The following PASK variants were observed in gnomAD, a reference collection of about 807,000 sequenced individuals.
PASK encodes PAS domain-containing serine/threonine-protein kinase.
A neutral mutation model predicts 121.0 loss-of-function variants in PASK; 110 were observed. The observed-to-expected ratio is 0.91, with a 90% confidence interval of 0.78 to 1.06. The LOEUF (loss-of-function observed/expected upper bound fraction) is 1.06. Ranked by LOEUF, PASK falls within the 50% of genes least tolerant of loss-of-function variation. PASK has a pLI of 0.00. For missense variants in PASK, 1,643 were observed against 1,702.3 expected (o/e 0.97, Z 0.61); for synonymous variants, 686 against 717.8 (o/e 0.96, Z 0.71).
chr2:241,122,854 C>T lies in PASK; in HGVS notation c.2950G>A (p.Glu984Lys), dbSNP rs2065679419. The change falls in exon 12 of 18, where the codon GAA becomes AAA. Residue 984 changes from glutamate (E) to lysine (K), a missense_variant. By Grantham distance (56) the Glu-to-Lys change is moderately conservative. Around this residue, in one of 3 missense-constraint regions of PASK, gnomAD observed 453 missense variants for 511.2 expected, o/e 0.89. Coordinates refer to ENST00000234040, the MANE Select transcript of PASK (RefSeq NM_015148.4). ...PWFEEPPKAVELEGLAACEGE... is the reference protein window; with the variant it reads ...PWFEEPPKAVKLEGLAACEGE... ...TCACAGGCCGCCAACCCCTCCAGTTCCACAGCCTTGGGGGGCTCCTCAAAC... is the reference window on the plus strand; with the variant it reads ...TCACAGGCCGCCAACCCCTCCAGTTTCACAGCCTTGGGGGGCTCCTCAAAC... 1 of 1,614,212 alleles carries T rather than the reference C, an allele frequency of 6.2e-7. No individual in the cohort carries two copies. Among genetic ancestry groups the T allele is most frequent in the South Asian group, 1.1e-5 (1 of 91,080 alleles).
chr2:241,115,122 C>T lies in PASK; in HGVS notation c.3254G>A (p.Gly1085Asp). The change falls in exon 14 of 18, where the codon GGC (glycine) becomes GAC (aspartate). Residue 1085 changes from glycine (G) to aspartate (D), a missense_variant. Around this residue, in one of 3 missense-constraint regions of PASK, gnomAD observed 453 missense variants for 511.2 expected, o/e 0.89. Transcript: ENST00000234040. ...GFFQLVMEKH[G>D]SGLDLFAFID... ...GAAAGCGAAGAGGTCTAGGCCGGAG[C>T]CGTGCTTCTCCATCACAAGCTGGAA... is the stretch of plus-strand genomic sequence containing the variant. 6.2e-7 allele frequency: 1 copy of T among 1,614,122 alleles called. No individual in the cohort carries two copies. The highest frequency in any genetic ancestry group is 1.1e-5 in the South Asian group (1 of 91,084).
At chr2:241,124,158 C>G in intron 10 of PASK, 25 bp from the exon 11 acceptor site, 1 of 1,606,560 alleles carries the variant, frequency 6.2e-7, no homozygotes, top group Non-Finnish European at 8.5e-7. Flanking sequence ...GGTAAGAACG[C>G]ACAGGCCTGT....
Position 241,138,695 on chromosome 2 carries a change from G to T in PASK, c.700C>A (p.Pro234Thr). The change falls in exon 5 of 18, where the codon CCC becomes ACC. Residue 234 changes from proline (P) to threonine (T), a missense_variant. Coordinates refer to ENST00000234040, the MANE Select transcript of PASK (RefSeq NM_015148.4). ...RRLCCVVVLE[P>T]VERVSTWVAF... ...ACCCAGGTCGAGACCCTCTCCACGG[G>T]CTCCAGGACCACCACGCAGCATAGG... 1 of 1,614,090 alleles carries T rather than the reference G, an allele frequency of 6.2e-7. No individual in the cohort carries two copies. The highest frequency in any genetic ancestry group is 8.5e-7 in the Non-Finnish European group (1 of 1,180,034).
chr2:241,137,485 G>A (rs1359520851), intron 6 of PASK, among the ~76,000 whole-genome samples: 1 of 152,208 alleles, frequency 6.6e-6, no homozygotes, highest in African/African-American at 2.4e-5. Flanking sequence ...AGCCGCCCCA[G>A]GCACAGCAAC....
At chr2:241,107,967 A>G (rs1575214697) in intron 16 of PASK, among the ~76,000 whole-genome samples, 200 bp downstream of exon 16, 1 of 152,370 alleles carries the variant, frequency 6.6e-6, no homozygotes, top group South Asian at 2.1e-4. Context: ...AGGGCCTCTA[A>G]GATCCAAAGA....
At chr2:241,140,843 C>T in intron 2 of PASK, 90 bp from the exon 3 acceptor site, 2 of 791,968 alleles carry the variant, frequency 2.5e-6, no homozygotes, top group Non-Finnish European at 4.4e-6. Context: ...CCCTTGCCCT[C>T]AACTCCTGCA....
chr2:241,122,329 G>T (rs140240230), intron 12 of PASK, among the ~76,000 whole-genome samples: 10 of 152,262 alleles, frequency 6.6e-5, no homozygotes, highest in African/African-American at 2.4e-4. Flanking sequence ...CCCAAAGCAG[G>T]TTATTTGAAA....
intron 1 of PASK, among the ~76,000 whole-genome samples, chr2:241,146,248 AT>A (rs2066947970): frequency 6.6e-6 from 1 of 152,250 alleles, no homozygotes; most frequent in South Asian, 2.1e-4. Flanking sequence ...GTCAAAAAGG[AT>A]TTGGATCAAC....
chr2:241,136,916 C>T lies in PASK; in HGVS notation c.1137+88G>A, dbSNP rs2066460368. On this transcript the variant is annotated intron_variant, in intron 7 of 17. Coordinates refer to ENST00000234040, the MANE Select transcript of PASK (RefSeq NM_015148.4). ...AGCGAGCTGGAGAGCTTGCCGGGTG[C>T]GAGGCCTGTGCCACACGCAAGCCCG... is the stretch of plus-strand genomic sequence containing the variant. 1.2e-5 allele frequency: 16 copies of T among 1,283,648 alleles called. 1 individual carries two copies. Among genetic ancestry groups the T allele is most frequent in the African/African-American group, 4.4e-5 (3 of 68,466 alleles). 79.5% of individuals were successfully genotyped at this position (1,283,648 alleles called of 1,614,324 possible).
At chr2:241,114,694 C>G in intron 14 of PASK, 2 of 1,301,120 alleles carry the variant, frequency 1.5e-6, no homozygotes, top group Non-Finnish European at 1.9e-6. Context: ...GCCGCTGTGC[C>G]GCACACATGC....
At position 241,106,322 on chromosome 2, in the gene PASK, A is replaced by G; in HGVS notation, c.*244T>C. The G allele has an allele frequency of 1.8e-6, 1 of 558,546 alleles. No homozygotes were observed. The highest frequency in any genetic ancestry group is 2.1e-5 in the South Asian group (1 of 48,552). The allele number at this position is 558,546 out of a possible 1,614,324, so 34.6% of individuals were successfully genotyped here. A position where few individuals can be genotyped will look rare whatever the true frequency, so the allele number is the denominator to read the frequency against. On this transcript the variant is annotated 3_prime_UTR_variant, in exon 18 of 18. Coordinates refer to ENST00000234040, the MANE Select transcript of PASK (RefSeq NM_015148.4). The stretch of plus-strand genomic sequence containing the variant: ...CACAAATTAAAAGCCCTTTAATAAT[A>G]TAAAACAGTTGAACACTGGAATGTT...
intron 9 of PASK, among the ~76,000 whole-genome samples, chr2:241,131,339 G>A (rs867139272): frequency 1.5e-4 from 23 of 152,102 alleles, no homozygotes; most frequent in Middle Eastern, 3.4e-3. Context: ...TAGTAGAGAC[G>A]GGGTTGCACC....
chr2:241,118,035 C>G (rs77836034), intron 12 of PASK, among the ~76,000 whole-genome samples: 1 of 152,102 alleles, frequency 6.6e-6, no homozygotes, highest in Non-Finnish European at 1.5e-5. Flanking sequence ...AAACTTTCCA[C>G]GTTCACAGAT....
chr2:241,125,322 C>T (rs902648841), intron 10 of PASK, among the ~76,000 whole-genome samples: 3 of 149,084 alleles, frequency 2.0e-5, no homozygotes, highest in East Asian at 2.0e-4. Flanking sequence ...AAAAATAGGC[C>T]GGGCACGGTG....
chr2:241,132,782 T>C (rs947121424), intron 9 of PASK, 92 bp downstream of exon 9: 68 of 1,062,048 alleles, frequency 6.4e-5, no homozygotes, highest in Middle Eastern at 2.0e-4. Context: ...CTATGAATAA[T>C]AGGCTGAACA....
At chr2:241,125,447 A>G (rs545385335) in intron 10 of PASK, among the ~76,000 whole-genome samples, 24 of 151,372 alleles carry the variant, frequency 1.6e-4, no homozygotes, top group African/African-American at 5.1e-4. Context: ...AAAAATAGAA[A>G]AAATTAGCCG....
In PASK at chr2:241,138,039, C is replaced by T. The variant is rs533685624; in HGVS notation, c.790G>A (p.Val264Met). 8 of 1,614,052 alleles carry T rather than the reference C, an allele frequency of 5.0e-6. No individual in the cohort carries two copies. The African/African-American group carries it at 5.3e-5, about 11-fold the overall frequency. ...DSLFAHLHGY[V>M]SGEDVAGQHI... ...TGCCCAGCCACGTCCTCCCCAGACA[C>T]GTACCCGTGAAGATGAGCAAAGAGA... The change falls in exon 6 of 18, where the codon GTG becomes ATG. Residue 264 changes from valine (V) to methionine (M), a missense_variant. Val to Met is a conservative substitution (Grantham distance 21). Around this residue, in one of 3 missense-constraint regions of PASK, gnomAD observed 1,176 missense variants for 1,162.2 expected, o/e 1.01. Transcript: ENST00000234040.
rs2064962938 is a variant in PASK, at chr2:241,108,132, G to C, written c.3667+35C>G. 4 of 1,612,552 alleles carry C rather than the reference G, an allele frequency of 2.5e-6. No homozygotes were observed. Among genetic ancestry groups the C allele is most frequent in the Non-Finnish European group, 3.4e-6 (4 of 1,178,604 alleles). On this transcript the variant is annotated intron_variant, in intron 16 of 17. Transcript: ENST00000234040. The surrounding 1 kb of genome is among the most constrained non-coding windows in gnomAD (Gnocchi z 5.2). The stretch of plus-strand genomic sequence containing the variant: ...AAAAAGTGGCTGGTCTCTAAGGACA[G>C]TGTCGACTGTCTACCACTTGCAGCT...
Position 241,112,214 on chromosome 2 carries a change from G to A in PASK, c.3533+26C>T, listed in dbSNP as rs1296625217. ...GGGTCCTGACAGAGGACACGAGGACGGGCCGCACCGCAGCCGCATACGTAC... is the reference window on the plus strand; with the variant it reads ...GGGTCCTGACAGAGGACACGAGGACAGGCCGCACCGCAGCCGCATACGTAC... On this transcript the variant is annotated intron_variant, in intron 15 of 17. Coordinates refer to ENST00000234040, the MANE Select transcript of PASK (RefSeq NM_015148.4). The surrounding 1 kb of genome is among the most constrained non-coding windows in gnomAD (Gnocchi z 5.2). 1.5e-5 allele frequency: 23 copies of A among 1,574,738 alleles called. No individual in the cohort carries two copies. The highest frequency in any genetic ancestry group is 2.2e-5 in the East Asian group (1 of 44,662).
Sources: gnomAD v4.1 joint callset for allele counts (sites outside exome capture counted in the v4.1 genomes callset) on GRCh38, gnomAD v4.1.1 for gene constraint, gnomAD v4.1.1 regional missense constraint, Gnocchi (gnomAD v3.1) non-coding constraint, MANE v1.5 for transcripts, NCBI Gene and HGNC (gene_info 2026-07-23, HGNC 2026-07-21) for gene names.